The following JRK variants were observed in gnomAD, a reference collection of about 807,000 sequenced individuals.
JRK encodes jerky protein homolog.
For synonymous variants in JRK, 303 were observed against 218.1 expected (o/e 1.39, Z -3.43); for missense variants, 720 against 509.2 (o/e 1.41, Z -3.98).
chr8:142,669,193 T>C (rs1847236523), intron 1 of JRK, among the ~76,000 whole-genome samples: 1 of 73,464 alleles, frequency 1.4e-5, no homozygotes, highest in African/African-American at 7.4e-5. Context: ...TGTGTGTGTG[T>C]GTGTGTGCGT....
chr8:142,667,562 G>A (rs1027484408), intron 1 of JRK, among the ~76,000 whole-genome samples: 1 of 152,178 alleles, frequency 6.6e-6, no homozygotes, highest in Non-Finnish European at 1.5e-5. Context: ...TTGCTAATTT[G>A]GGAGGCTCTA....
the JRK span, among the ~76,000 whole-genome samples, chr8:142,644,336 A>G: frequency 1.3e-5 from 2 of 152,138 alleles, no homozygotes; most frequent in African/African-American, 4.8e-5. Flanking sequence ...ATAATTTAAC[A>G]TAATAATTAT....
rs1250251531 is a variant in JRK at position 142,658,766 on chromosome 8, C to T, written c.*5586G>A. The T allele has an allele frequency of 2.0e-6, 3 of 1,528,550 alleles. No individual in the cohort carries two copies. Among genetic ancestry groups the T allele is most frequent in the Non-Finnish European group, 2.6e-6 (3 of 1,134,608 alleles). 94.7% of individuals were successfully genotyped at this position (1,528,550 alleles called of 1,614,324 possible). A position where few individuals can be genotyped will look rare whatever the true frequency, so the allele number is the denominator to read the frequency against. On this transcript the variant is annotated 3_prime_UTR_variant, in exon 2 of 2. Transcript: ENST00000612905. ...ACCATCGTCATGGAGATGGAGGCCA[C>T]AGACCTACCAACACCCATAACCTCA... is the stretch of plus-strand genomic sequence containing the variant.
In JRK at chr8:142,666,000, A is replaced by T; in HGVS notation, c.59T>A (p.Leu20Gln). 1 of 1,374,220 alleles carries T rather than the reference A, an allele frequency of 7.3e-7. No individual in the cohort carries two copies. The highest frequency in any genetic ancestry group is 1.0e-6 in the Non-Finnish European group (1 of 961,542). 85.1% of individuals were successfully genotyped at this position (1,374,220 alleles called of 1,614,324 possible). Residue 20 changes from leucine (L) to glutamine (Q), a missense_variant, in exon 2 of 2, where the codon CTG (leucine) becomes CAG (glutamine). By Grantham distance (113) the Leu-to-Gln change is moderately radical. Coordinates refer to ENST00000612905, the MANE Select transcript of JRK (RefSeq NM_003724.4). ...GATGTCAATCTTCTCCTTCAGTGTC[A>T]GCACCACCCTCTTCCGCTTCTCCCC... ...SRGEKRKRVV[L>Q]TLKEKIDICT...
At position 142,659,613 on chromosome 8, in the gene JRK, C is replaced by T. The variant is rs1846851974; in HGVS notation, c.*4739G>A. The T allele has an allele frequency of 1.0e-5, 10 of 985,428 alleles. No individual in the cohort carries two copies. The highest frequency in any genetic ancestry group is 1.2e-5 in the Non-Finnish European group (10 of 829,984). 61.0% of individuals were successfully genotyped at this position (985,428 alleles called of 1,614,324 possible). A position where few individuals can be genotyped will look rare whatever the true frequency, so the allele number is the denominator to read the frequency against. ...ACCAGGACCCAGCAGGGGCCATACC[C>T]AGATTCAGAGGCTCAGGACCACCAC... On this transcript the variant is annotated 3_prime_UTR_variant, in exon 2 of 2. Coordinates refer to ENST00000612905, the MANE Select transcript of JRK (RefSeq NM_003724.4).
downstream of JRK, among the ~76,000 whole-genome samples, chr8:142,653,403 T>G (rs1192975492): frequency 6.6e-6 from 1 of 152,204 alleles, no homozygotes; most frequent in East Asian, 1.9e-4. Context: ...AGACAGGGTC[T>G]CATTCTGTCA....
chr8:142,666,703 C>T (rs1041487442), intron 1 of JRK, among the ~76,000 whole-genome samples, 183 bp from the exon 2 acceptor site: 2 of 152,200 alleles, frequency 1.3e-5, no homozygotes, highest in Non-Finnish European at 2.9e-5. Context: ...GCCTGCCCAG[C>T]CCCTGCACGT....
the JRK span, among the ~76,000 whole-genome samples, chr8:142,648,116 T>A: frequency 6.6e-6 from 1 of 152,230 alleles, no homozygotes; most frequent in Non-Finnish European, 1.5e-5. Flanking sequence ...CAGCAAAGCA[T>A]TCAAGAGGTG....
chr8:142,658,679 C>G lies in JRK; in HGVS notation c.*5673G>C. 8.4e-7 allele frequency: 1 copy of G among 1,194,734 alleles called. No homozygotes were observed. The highest frequency in any genetic ancestry group is 2.9e-5 in the East Asian group (1 of 34,826). The allele number at this position is 1,194,734 out of a possible 1,614,324, so 74.0% of individuals were successfully genotyped here. On this transcript the variant is annotated 3_prime_UTR_variant, in exon 2 of 2. Coordinates refer to ENST00000612905, the MANE Select transcript of JRK (RefSeq NM_003724.4). ...AGGCCCCACCTCCTAATACCACCCT[C>G]CTGGGGGTCAGGGTTTCAACATATA...
downstream of JRK, among the ~76,000 whole-genome samples, chr8:142,657,257 C>G (rs1388834404): frequency 6.6e-6 from 1 of 152,160 alleles, no homozygotes; most frequent in Non-Finnish European, 1.5e-5. Flanking sequence ...TAGTTGTACT[C>G]ATATGACTGG....
rs782439628 is a variant in JRK at position 142,665,879 on chromosome 8, C to A, written c.180G>T (p.Ala60=). The A allele has an allele frequency of 1.0e-5, 8 of 783,230 alleles. No individual in the cohort carries two copies. The highest frequency in any genetic ancestry group is 1.7e-5 in the African/African-American group (1 of 59,208). 48.5% of individuals were successfully genotyped at this position (783,230 alleles called of 1,614,324 possible). A position where few individuals can be genotyped will look rare whatever the true frequency, so the allele number is the denominator to read the frequency against. The part of the protein sequence containing the change: ...STLYDIRAHK[A]QLLRFFASSD... ...AGCTGGCGAAGAACCGGAGCAGCTG[C>A]GCCTTGTGGGCCCTGATGTCGTAGA... The change falls in exon 2 of 2, where the codon GCG becomes GCT. Residue 60 remains alanine, a synonymous_variant. Transcript: ENST00000612905.
At chr8:142,648,221 T>C in the JRK span, among the ~76,000 whole-genome samples, 1 of 152,176 alleles carries the variant, frequency 6.6e-6, no homozygotes, top group East Asian at 1.9e-4. Flanking sequence ...GAAAAGAAAA[T>C]GCCATTTTCT....
At position 142,661,641 on chromosome 8, in the gene JRK, CA is replaced by C. The variant is rs1488697725; in HGVS notation, c.*2710del. 18 of 985,460 alleles carry C rather than the reference CA, an allele frequency of 1.8e-5. No individual in the cohort carries two copies. In the South Asian group the frequency reaches 6.1e-4, roughly 33 times the overall value. 61.0% of individuals were successfully genotyped at this position (985,460 alleles called of 1,614,324 possible). A position where few individuals can be genotyped will look rare whatever the true frequency, so the allele number is the denominator to read the frequency against. On this transcript the variant is annotated 3_prime_UTR_variant, in exon 2 of 2. Transcript: ENST00000612905. Reference sequence around the variant, plus strand: ...CAGATAAAACGCGGAGGCATTTAAACAGGACCAGAGACTTTCTCGCTCTGCT... The same window carrying C: ...CAGATAAAACGCGGAGGCATTTAAACGGACCAGAGACTTTCTCGCTCTGCT...
Position 142,661,908 on chromosome 8 carries a change from C to G in JRK, c.*2444G>C, listed in dbSNP as rs1302164023. 1.0e-6 allele frequency: 1 copy of G among 985,518 alleles called. No individual in the cohort carries two copies. Among genetic ancestry groups the G allele is most frequent in the Non-Finnish European group, 1.2e-6 (1 of 830,016 alleles). 61.0% of individuals were successfully genotyped at this position (985,518 alleles called of 1,614,324 possible). ...CATAAAGCGTTCTGGGGGACAGGAC[C>G]GAGGCAAGAGGTATGCACCAGGCAG... On this transcript the variant is annotated 3_prime_UTR_variant, in exon 2 of 2. Coordinates refer to ENST00000612905, the MANE Select transcript of JRK (RefSeq NM_003724.4).
At position 142,665,590 on chromosome 8, in the gene JRK, C is replaced by T. The variant is rs1554635778; in HGVS notation, c.469G>A (p.Ala157Thr). The change falls in exon 2 of 2, where the codon GCC (alanine) becomes ACC (threonine). Residue 157 changes from alanine (A) to threonine (T), a missense_variant. Coordinates refer to ENST00000612905, the MANE Select transcript of JRK (RefSeq NM_003724.4). ...KLDASSEKQS[A>T]DHQAAEQFCA... ...AACTGCTCCGCGGCCTGGTGGTCGG[C>T]TGACTGCTTTTCACTGGATGCATCT... 2.8e-6 allele frequency: 2 copies of T among 718,548 alleles called. No individual in the cohort carries two copies. The highest frequency in any genetic ancestry group is 3.0e-5 in the South Asian group (2 of 67,608). 44.5% of individuals were successfully genotyped at this position (718,548 alleles called of 1,614,324 possible). A position where few individuals can be genotyped will look rare whatever the true frequency, so the allele number is the denominator to read the frequency against.
chr8:142,661,668 C>G lies in JRK; in HGVS notation c.*2684G>C, dbSNP rs1846920609. The G allele has an allele frequency of 1.0e-6, 1 of 985,520 alleles. No homozygotes were observed. Among genetic ancestry groups the G allele is most frequent in the African/African-American group, 1.7e-5 (1 of 57,352 alleles). The allele number at this position is 985,520 out of a possible 1,614,324, so 61.0% of individuals were successfully genotyped here. Reference sequence around the variant, plus strand: ...GGACCAGAGACTTTCTCGCTCTGCTCTGGCAAGCTCCAGGGCTTCCCAGGG... The same window carrying G: ...GGACCAGAGACTTTCTCGCTCTGCTGTGGCAAGCTCCAGGGCTTCCCAGGG... On this transcript the variant is annotated 3_prime_UTR_variant, in exon 2 of 2. Transcript: ENST00000612905.
In JRK at chr8:142,669,199, T is replaced by TGTGTGC. The variant is rs1357904924; in HGVS notation, c.-463+732_-463+733insGCACAC. Among the ~76,000 whole-genome samples the TGTGTGC allele has an allele frequency of 5.0e-3, 309 of 61,596 alleles. 3 individuals are homozygous for TGTGTGC. The highest frequency in any genetic ancestry group is 0.021 in the African/African-American group (264 of 12,756). The allele number at this position is 61,596 out of a possible 152,430, so 40.4% of individuals were successfully genotyped here. ...GTGTGTGTGTGTGTGTGTGTGTGTG[T>TGTGTGC]GCGTGTGTGTGTTGGGGGGTATGGA... On this transcript the variant is annotated intron_variant, in intron 1 of 1. Transcript: ENST00000612905.
Position 142,665,845 on chromosome 8 carries a change from T to G in JRK, c.214A>C (p.Asn72His). 1 of 779,810 alleles carries G rather than the reference T, an allele frequency of 1.3e-6. No individual in the cohort carries two copies. The highest frequency in any genetic ancestry group is 2.4e-6 in the Non-Finnish European group (1 of 418,212). 48.3% of individuals were successfully genotyped at this position (779,810 alleles called of 1,614,324 possible). A position where few individuals can be genotyped will look rare whatever the true frequency, so the allele number is the denominator to read the frequency against. ...GTGCGCCGCTGCTCCAGCGCCTTGT[T>G]GGAGTCGGAGCTGGCGAAGAACCGG... is the stretch of plus-strand genomic sequence containing the variant. ...LLRFFASSDS[N>H]KALEQRRTLH... Residue 72 changes from asparagine to histidine, a missense_variant, in exon 2 of 2, where the codon AAC becomes CAC. By Grantham distance (68) the Asn-to-His change is moderately conservative. Coordinates refer to ENST00000612905, the MANE Select transcript of JRK (RefSeq NM_003724.4).
chr8:142,652,234 C>T, the JRK span, among the ~76,000 whole-genome samples: 3 of 152,246 alleles, frequency 2.0e-5, no homozygotes, highest in South Asian at 6.2e-4. Context: ...AATATGAACC[C>T]AGAAAATCTG....
Sources: gnomAD v4.1 joint callset for allele counts (sites outside exome capture counted in the v4.1 genomes callset) on GRCh38, gnomAD v4.1.1 for gene constraint, MANE v1.5 for transcripts, NCBI Gene and HGNC (gene_info 2026-07-23, HGNC 2026-07-21) for gene names.